Variants in NLRP14 observed in about 807,000 individuals in gnomAD.
NLRP14 encodes the protein NLR family pyrin domain containing 14, also known as NACHT, LRR and PYD domains-containing protein 14.
NLRP14 carries 105 observed loss-of-function variants against 94.7 expected under a neutral mutation model. The observed-to-expected ratio is 1.11, with a 90% CI of 0.95 to 1.30. The LOEUF is 1.30. NLRP14 is among the 50% of genes most tolerant of loss of function. The pLI is 0.00. For missense variants in NLRP14, 1,362 were observed against 1,254.1 expected, an observed-to-expected ratio of 1.09 and a Z score of -1.30; for synonymous variants, 508 against 459.9, an observed-to-expected ratio of 1.10 and a Z score of -1.34.
In NLRP14 at chr11:7,071,186, GC is replaced by G; in HGVS notation, c.3161del (p.Ala1054AspfsTer20). 1 of 1,613,938 alleles carries G rather than the reference GC, an allele frequency of 6.2e-7. No homozygotes were observed. The highest frequency in any genetic ancestry group is 8.5e-7 in the Non-Finnish European group (1 of 1,179,982). The part of the protein sequence containing the change: ...KLQVLGLCKE[A>X]FDEEAQKLLE... ...TTGTTTTCTCAGGTTGTGCAAAGAG[GC>G]ATTTGATGAGGAAGCCCAGAAGCTG... On this transcript the variant is annotated frameshift_variant, in exon 12 of 12. Transcript: ENST00000299481. LOFTEE classifies it low-confidence loss of function (END_TRUNC).
chr11:7,075,160 A>G (rs958330181), downstream of NLRP14, among the ~76,000 whole-genome samples: 1 of 152,150 alleles, frequency 6.6e-6, no homozygotes, highest in Non-Finnish European at 1.5e-5. Context: ...TCAGCTTCCA[A>G]GGTTTTTCCA....
chr11:7,039,629 T>G, intron 2 of NLRP14, 85 bp from the exon 3 acceptor site: 2 of 1,066,732 alleles, frequency 1.9e-6, no homozygotes, highest in South Asian at 2.5e-5. Context: ...GGACCACTTA[T>G]GTGAATGCTG....
At chr11:7,044,192 G>T (rs907925565) in intron 4 of NLRP14, among the ~76,000 whole-genome samples, 2 of 152,258 alleles carry the variant, frequency 1.3e-5, no homozygotes, top group Admixed American at 1.3e-4. Flanking sequence ...TTCCTGAGAT[G>T]GCTTTTTTTG....
intron 10 of NLRP14, among the ~76,000 whole-genome samples, chr11:7,067,653 G>T (rs1852724594): frequency 6.6e-6 from 1 of 152,106 alleles, no homozygotes; most frequent in Non-Finnish European, 1.5e-5. Flanking sequence ...ATTTTTTGGA[G>T]TAAAACCAAC....
rs943958478 is a variant in NLRP14 at position 7,038,964 on chromosome 11, G to A, written c.289+89G>A. ...GAATGTTTCTGTAAGAGGGATTTAG[G>A]GATTAAACCATGTTGGGGGACATAA... On this transcript the variant is annotated intron_variant, in intron 2 of 11. Coordinates refer to ENST00000299481, the MANE Select transcript of NLRP14 (RefSeq NM_176822.4). The A allele has an allele frequency of 1.6e-4, 206 of 1,280,958 alleles. 1 individual carries two copies. The highest frequency in any genetic ancestry group is 1.1e-3 in the Middle Eastern group (6 of 5,298). The allele number at this position is 1,280,958 out of a possible 1,614,324, so 79.3% of individuals were successfully genotyped here. A position where few individuals can be genotyped will look rare whatever the true frequency, so the allele number is the denominator to read the frequency against.
rs919774736 is a variant in NLRP14 at position 7,038,628 on chromosome 11, G to C, written c.42G>C (p.Gly14=). The change falls in exon 2 of 12, where the codon GGG becomes GGC. Residue 14 remains glycine (G), a synonymous_variant. Transcript: ENST00000299481. ...SSSSSFFPDF[G]LLLYLEELNK... ...CATCTTCTTTCTTTCCTGATTTTGG[G>C]CTGCTATTGTATTTGGAGGAGCTAA... 6 of 1,613,996 alleles carry C rather than the reference G, an allele frequency of 3.7e-6. No homozygotes were observed. Among genetic ancestry groups the C allele is most frequent in the Middle Eastern group, 3.3e-4 (2 of 6,038 alleles).
rs17279697 is a variant in NLRP14, at chr11:7,038,518, T to A, written c.-21-48T>A. 139,437 of 1,400,498 alleles carry A rather than the reference T, an allele frequency of 0.1. 7,661 individuals carry two copies. The highest frequency in any genetic ancestry group is 0.2 in the Admixed American group (11,566 of 58,776). 86.8% of individuals were successfully genotyped at this position (1,400,498 alleles called of 1,614,324 possible). On this transcript the variant is annotated intron_variant, in intron 1 of 11. Coordinates refer to ENST00000299481, the MANE Select transcript of NLRP14 (RefSeq NM_176822.4). ...CATTTTCAAATCTGTCTTTTTCATGTGTCCCATTTATTCCATGTGCTTTTG... is the reference window on the plus strand; with the variant it reads ...CATTTTCAAATCTGTCTTTTTCATGAGTCCCATTTATTCCATGTGCTTTTG...
downstream of NLRP14, among the ~76,000 whole-genome samples, chr11:7,074,316 A>G (rs1852845906): frequency 6.6e-6 from 1 of 152,230 alleles, no homozygotes; most frequent in Admixed American, 6.5e-5. Context: ...TGATACATAG[A>G]GAGGTGGCTT....
chr11:7,052,259 G>A (rs761058283), intron 6 of NLRP14, among the ~76,000 whole-genome samples: 3 of 152,106 alleles, frequency 2.0e-5, no homozygotes, highest in Non-Finnish European at 4.4e-5. Flanking sequence ...TACCAAAATG[G>A]CATATAAATG....
Position 7,043,188 on chromosome 11 carries a change from G to A in NLRP14, c.1162G>A (p.Asp388Asn). ...CLKQQMEKGG[D>N]VTLTCQTTTA... is the part of the protein sequence containing the mutation. ...GAAGCAGCAAATGGAGAAGGGTGGT[G>A]ATGTCACATTGACCTGCCAAACAAC... is the stretch of plus-strand genomic sequence containing the variant. The change falls in exon 4 of 12, where the codon GAT becomes AAT. Residue 388 changes from aspartate (D) to asparagine (N), a missense_variant. Physicochemically the swap from Asp to Asn is conservative, Grantham distance 23 (BLOSUM62 1). Coordinates refer to ENST00000299481, the MANE Select transcript of NLRP14 (RefSeq NM_176822.4). 6.2e-7 allele frequency: 1 copy of A among 1,614,156 alleles called. No homozygotes were observed. The highest frequency in any genetic ancestry group is 1.1e-5 in the South Asian group (1 of 91,082).
chr11:7,089,445 C>A, the NLRP14 span: 1 of 1,505,290 alleles, frequency 6.6e-7, no homozygotes, highest in Non-Finnish European at 8.9e-7. Context: ...GAGGTTCCTG[C>A]GCGGAACCCG....
Position 7,057,717 on chromosome 11 carries a change from A to G in NLRP14, c.2332A>G (p.Ile778Val). 7 of 1,612,832 alleles carry G rather than the reference A, an allele frequency of 4.3e-6. No individual in the cohort carries two copies. The highest frequency in any genetic ancestry group is 2.2e-5 in the East Asian group (1 of 44,854). ...CCTAACTGTATTTTGTTGTCTAAAT[A>G]TATCTAATGCTCTCATCAGAAGCCA... is the stretch of plus-strand genomic sequence containing the variant. ...CNLTVFCCLN[I>V]SNALIRSQSL... Residue 778 changes from isoleucine (I) to valine (V), a missense_variant, in exon 7 of 12, where the codon ATA becomes GTA. Physicochemically the swap from Ile to Val is conservative, Grantham distance 29. Transcript: ENST00000299481.
Position 7,070,273 on chromosome 11 carries a change from C to G in NLRP14, c.2976-13C>G, listed in dbSNP as rs745478677. The G allele has an allele frequency of 4.4e-6, 7 of 1,596,240 alleles. No individual in the cohort carries two copies. The South Asian group carries it at 5.5e-5, about 13-fold the overall frequency. The stretch of plus-strand genomic sequence containing the variant: ...ATAAATTCATTTTTATCTTTTGTCT[C>G]TCTTCTCTACAGGTTGGAATACTGT... On this transcript the variant is annotated splice_polypyrimidine_tract_variant and intron_variant, in intron 10 of 11. Coordinates refer to ENST00000299481, the MANE Select transcript of NLRP14 (RefSeq NM_176822.4).
At chr11:7,087,172 C>T in the NLRP14 span, among the ~76,000 whole-genome samples, 4,717 of 152,300 alleles carry the variant, frequency 0.031, 137 homozygotes, top group East Asian at 0.13. Flanking sequence ...CTTCCTTCAC[C>T]AACTGCAAAT....
At chr11:7,057,586 T>A (rs1852534535) in intron 6 of NLRP14, 91 bp from the exon 7 acceptor site, 3 of 1,251,500 alleles carry the variant, frequency 2.4e-6, no homozygotes, top group Non-Finnish European at 3.5e-6. Flanking sequence ...TTCCAAAGAT[T>A]AGGAAACTTC....
At chr11:7,058,942 G>A (rs1201281723) in intron 8 of NLRP14, among the ~76,000 whole-genome samples, 1 of 151,824 alleles carries the variant, frequency 6.6e-6, no homozygotes, top group Non-Finnish European at 1.5e-5. Flanking sequence ...GCCAAATATG[G>A]TTAAATTGCC....
Position 7,062,498 on chromosome 11 carries a change from G to T in NLRP14, c.2970G>T (p.Arg990Ser), listed in dbSNP as rs1852640476. The change falls in exon 10 of 12, where the codon AGG becomes AGT. Residue 990 changes from arginine to serine, a missense_variant. Physicochemically the swap from Arg to Ser is moderately radical, Grantham distance 110. Coordinates refer to ENST00000299481, the MANE Select transcript of NLRP14 (RefSeq NM_176822.4). ...ALRYPNCNIQ[R>S]LGLEYCGLTS... The stretch of plus-strand genomic sequence containing the variant: ...GATATCCAAACTGTAACATTCAGAG[G>T]CTCGGGTGAGTTCATAGTTTTCCAT... The T allele has an allele frequency of 6.2e-7, 1 of 1,612,548 alleles. No individual in the cohort carries two copies. Among genetic ancestry groups the T allele is most frequent in the African/African-American group, 1.3e-5 (1 of 74,828 alleles).
At chr11:7,089,868 G>T in the NLRP14 span, 1 of 1,612,770 alleles carries the variant, frequency 6.2e-7, no homozygotes, top group Non-Finnish European at 8.5e-7. Flanking sequence ...CAGTGTCCGG[G>T]ACGACTGTCC....
chr11:7,032,442 AT>A (rs201199005), intron 1 of NLRP14, among the ~76,000 whole-genome samples: 1 of 151,608 alleles, frequency 6.6e-6, no homozygotes, highest in South Asian at 2.1e-4. Context: ...TGTATTTAGG[AT>A]TTTTTTTTCA....
Sources: gnomAD v4.1 joint callset for allele counts (sites outside exome capture counted in the v4.1 genomes callset) on GRCh38, gnomAD v4.1.1 for gene constraint, MANE v1.5 for transcripts, NCBI Gene and HGNC (gene_info 2026-07-23, HGNC 2026-07-21) for gene names.